The following UST variants were observed in gnomAD, a reference collection of about 807,000 sequenced individuals.
The protein encoded by UST is chondroitin sulfate 2-O-sulfotransferase.
UST carries 21 observed loss-of-function variants against 45.6 expected under a neutral mutation model. The observed-to-expected ratio is 0.46, with a 90% CI of 0.33 to 0.66. The LOEUF is 0.66. UST is among the 30% of genes least tolerant of loss of function. The probability of loss-of-function intolerance (pLI) is 0.02; values close to 1 mark genes in which losing one functional copy is unlikely to be tolerated. For synonymous variants in UST, 215 were observed against 200.6 expected (o/e 1.07, Z -0.61); for missense variants, 463 against 512.4 (o/e 0.90, Z 0.93).
chr6:148,987,042 C>T (rs776411849), intron 5 of UST, among the ~76,000 whole-genome samples: 7 of 152,194 alleles, frequency 4.6e-5, no homozygotes, highest in Non-Finnish European at 1.0e-4. Context: ...CTGAATCTTA[C>T]ATTTTATAAT....
intron 1 of UST, among the ~76,000 whole-genome samples, chr6:148,789,786 C>G (rs571763218): frequency 3.6e-4 from 54 of 152,034 alleles, no homozygotes; most frequent in Non-Finnish European, 5.9e-4. Flanking sequence ...TTAGTAGAGA[C>G]AGGGTTTTAC....
chr6:148,990,532 T>A lies in UST; in HGVS notation c.681+25969T>A, dbSNP rs921959469. 3 of 491,596 alleles carry A rather than the reference T, an allele frequency of 6.1e-6. No individual in the cohort carries two copies. The African/African-American group carries it at 6.3e-5, about 10-fold the overall frequency. 30.5% of individuals were successfully genotyped at this position (491,596 alleles called of 1,614,324 possible). A position where few individuals can be genotyped will look rare whatever the true frequency, so the allele number is the denominator to read the frequency against. The stretch of plus-strand genomic sequence containing the variant: ...AATCCCAGATATTCAGACGTTCAGA[T>A]TCATATTTTCCATCTTAGCCCACGA... On this transcript the variant is annotated intron_variant, in intron 5 of 7. Coordinates refer to ENST00000367463, the MANE Select transcript of UST (RefSeq NM_005715.3).
chr6:148,919,814 T>G lies in UST; in HGVS notation c.292-21465T>G, dbSNP rs142749656. Among the ~76,000 whole-genome samples, 921 of 152,344 alleles carry G rather than the reference T, an allele frequency of 6.0e-3. 9 individuals carry two copies. Among genetic ancestry groups the G allele is most frequent in the Middle Eastern group, 0.024 (7 of 294 alleles). On this transcript the variant is annotated intron_variant, in intron 2 of 7. Transcript: ENST00000367463. Reference sequence around the variant, plus strand: ...TAAGCCTTTTAGACTTTCCAGGGTGTTGCCAGGTGGCTTCTGACTACTGTC... The same window carrying G: ...TAAGCCTTTTAGACTTTCCAGGGTGGTGCCAGGTGGCTTCTGACTACTGTC...
intron 7 of UST, among the ~76,000 whole-genome samples, chr6:149,058,344 CATGTGTGTGTGTGTGT>C (rs1232130411): frequency 1.7e-4 from 22 of 126,758 alleles, no homozygotes; most frequent in African/African-American, 4.8e-4. Context: ...AAAGGAGGAG[CATGTGTGTGTGTGTGT>C]GTGTGTGTGT....
intron 5 of UST, among the ~76,000 whole-genome samples, chr6:149,001,072 C>CTTTT (rs71554430): frequency 1.5e-5 from 2 of 136,372 alleles, no homozygotes; most frequent in East Asian, 2.1e-4. Flanking sequence ...GGAGATGATT[C>CTTTT]TTTTTTTTTT....
At chr6:148,766,251 T>A (rs1209107949) in intron 1 of UST, among the ~76,000 whole-genome samples, 2 of 152,090 alleles carry the variant, frequency 1.3e-5, no homozygotes, top group Non-Finnish European at 2.9e-5. Context: ...AATTGCAGAG[T>A]AAGTCTTGCT....
At chr6:149,046,328 A>G (rs1368117190) in intron 7 of UST, among the ~76,000 whole-genome samples, 2 of 152,230 alleles carry the variant, frequency 1.3e-5, no homozygotes, top group African/African-American at 2.4e-5. Context: ...GGCCAGGGGT[A>G]GGGCCACCAC....
At chr6:148,875,372 TATATC>T (rs1778628402) in intron 1 of UST, among the ~76,000 whole-genome samples, 1 of 152,234 alleles carries the variant, frequency 6.6e-6, no homozygotes, top group Non-Finnish European at 1.5e-5. Flanking sequence ...TTTTAGAAGA[TATATC>T]AAGACAGTAT....
intron 1 of UST, among the ~76,000 whole-genome samples, chr6:148,882,700 G>C (rs1479783616): frequency 6.6e-6 from 1 of 152,100 alleles, no homozygotes; most frequent in Non-Finnish European, 1.5e-5. Context: ...AGCCTGTATG[G>C]GTTTGAATTC....
chr6:148,962,897 T>C (rs1780693342), intron 4 of UST, among the ~76,000 whole-genome samples: 1 of 152,254 alleles, frequency 6.6e-6, no homozygotes, highest in Admixed American at 6.5e-5. Flanking sequence ...TGTTATTACT[T>C]TCCTCTGACA....
chr6:149,073,720 G>T, intron 7 of UST, 113 bp from the exon 8 acceptor site: 1 of 1,209,446 alleles, frequency 8.3e-7, no homozygotes, highest in African/African-American at 1.5e-5. Flanking sequence ...ACTTGGATAT[G>T]CAGTTGCTTC....
chr6:148,947,695 A>G (rs1013907012), intron 3 of UST, among the ~76,000 whole-genome samples: 3 of 152,224 alleles, frequency 2.0e-5, no homozygotes, highest in African/African-American at 4.8e-5. Flanking sequence ...CTGGCTTGAC[A>G]TGTTTTGGAA....
In UST at chr6:149,073,819, C is replaced by T. The variant is rs745911901; in HGVS notation, c.938-14C>T. On this transcript the variant is annotated splice_polypyrimidine_tract_variant and intron_variant, in intron 7 of 7. Coordinates refer to ENST00000367463, the MANE Select transcript of UST (RefSeq NM_005715.3). ...GCAAATGATGGCTCATGTGCGACCCCGGTTCTCTTCCAGAGCACAGGAAGC... is the reference window on the plus strand; with the variant it reads ...GCAAATGATGGCTCATGTGCGACCCTGGTTCTCTTCCAGAGCACAGGAAGC... 12 of 1,609,636 alleles carry T rather than the reference C, an allele frequency of 7.5e-6. No individual in the cohort carries two copies. In the African/African-American group the frequency reaches 9.4e-5, roughly 13 times the overall value.
intron 1 of UST, among the ~76,000 whole-genome samples, chr6:148,791,598 C>G (rs1776849083): frequency 6.6e-6 from 1 of 152,182 alleles, no homozygotes; most frequent in Admixed American, 6.5e-5. Context: ...GTACTGATCA[C>G]TAAGCACTGT....
intron 7 of UST, among the ~76,000 whole-genome samples, chr6:149,067,560 G>T (rs1025781294): frequency 6.6e-6 from 1 of 152,142 alleles, no homozygotes; most frequent in East Asian, 1.9e-4. Flanking sequence ...ATAGGGCTGG[G>T]CCTCCTCATG....
At chr6:148,749,462 T>G in intron 1 of UST, among the ~76,000 whole-genome samples, 1 of 152,054 alleles carries the variant, frequency 6.6e-6, no homozygotes, top group Admixed American at 6.5e-5. Flanking sequence ...GGAAGTCATC[T>G]GTGCTCATTG....
At chr6:148,936,724 A>G (rs959229207) in intron 2 of UST, among the ~76,000 whole-genome samples, 4 of 151,834 alleles carry the variant, frequency 2.6e-5, no homozygotes, top group Admixed American at 6.6e-5. Flanking sequence ...GAGACTAAGT[A>G]TCACTCTGTC....
At position 148,873,758 on chromosome 6, in the gene UST, T is replaced by G. The variant is rs1294405976; in HGVS notation, c.248-13228T>G. On this transcript the variant is annotated intron_variant, in intron 1 of 7. Coordinates refer to ENST00000367463, the MANE Select transcript of UST (RefSeq NM_005715.3). ...TAAACTGGGGTTCTTGCCTCCTAGG[T>G]TGCTGTAGAATGAGGTCCGGAGAGT... Among the ~76,000 whole-genome samples the G allele has an allele frequency of 2.0e-5, 3 of 152,158 alleles. No individual in the cohort carries two copies. In the East Asian group the frequency reaches 5.8e-4, roughly 29 times the overall value.
intron 7 of UST, among the ~76,000 whole-genome samples, chr6:149,029,175 T>C (rs1022250534): frequency 4.0e-5 from 6 of 151,862 alleles, no homozygotes; most frequent in Non-Finnish European, 5.9e-5. Flanking sequence ...GGATTCCAAG[T>C]CCAATTGATT....
Sources: gnomAD v4.1 joint callset for allele counts (sites outside exome capture counted in the v4.1 genomes callset) on GRCh38, gnomAD v4.1.1 for gene constraint, MANE v1.5 for transcripts, NCBI Gene and HGNC (gene_info 2026-07-23, HGNC 2026-07-21) for gene names.